DACH2: variants seen among roughly 807,000 people sequenced by gnomAD.
The protein encoded by DACH2 is dachshund homolog 2.
A neutral mutation model predicts 35.8 loss-of-function variants in DACH2; 17 were observed. The ratio of observed to expected loss-of-function variants is 0.48; its 90% CI spans 0.33 to 0.71. The LOEUF (loss-of-function observed/expected upper bound fraction) is 0.71, where lower values mean the gene tolerates loss of function less well. Ranked by LOEUF, DACH2 falls within the 30% of genes least tolerant of loss-of-function variation. The probability of loss-of-function intolerance (pLI) is 0.02; values close to 1 mark genes in which losing one functional copy is unlikely to be tolerated. For missense variants in DACH2, 469 were observed against 472.7 expected (o/e 0.99, Z 0.07); for synonymous variants, 195 against 177.3 (o/e 1.10, Z -0.79).
chrX:86,195,177 G>T (rs1009650989), intron 1 of DACH2, among the ~76,000 whole-genome samples: 13 of 112,399 alleles, frequency 1.2e-4, no homozygotes, highest in African/African-American at 3.6e-4. Flanking sequence ...AATAGTGTGT[G>T]CATGCACTCT....
At chrX:86,762,582 C>T (rs1394894048) in intron 7 of DACH2, among the ~76,000 whole-genome samples, 1 of 111,578 alleles carries the variant, frequency 9.0e-6, no homozygotes, top group Non-Finnish European at 1.9e-5. Flanking sequence ...GATTAGAGAT[C>T]CATCTGCATG....
At chrX:86,794,463 G>C (rs1262419726) in intron 7 of DACH2, among the ~76,000 whole-genome samples, 1 of 110,586 alleles carries the variant, frequency 9.0e-6, no homozygotes, top group Non-Finnish European at 1.9e-5. Context: ...CCTCGGTGCT[G>C]ATATGGGATA....
intron 7 of DACH2, among the ~76,000 whole-genome samples, chrX:86,771,655 C>T (rs943127881): frequency 8.9e-6 from 1 of 111,782 alleles, no homozygotes; most frequent in Non-Finnish European, 1.9e-5. Flanking sequence ...GAAAATGCAG[C>T]GTTCACAAAA....
chrX:86,425,224 G>GT (rs1197776362), intron 2 of DACH2, among the ~76,000 whole-genome samples: 1 of 110,171 alleles, frequency 9.1e-6, no homozygotes, highest in Non-Finnish European at 1.9e-5. Context: ...TTCTTCTCCT[G>GT]TTTTTTTGGA....
chrX:86,426,392 T>A (rs2036894193), intron 2 of DACH2, among the ~76,000 whole-genome samples: 1 of 111,318 alleles, frequency 9.0e-6, no homozygotes, highest in Non-Finnish European at 1.9e-5. Flanking sequence ...GAGACTTGAT[T>A]TGGCTGTGTC....
At chrX:86,577,053 A>G (rs1311853478) in intron 3 of DACH2, among the ~76,000 whole-genome samples, 1 of 112,294 alleles carries the variant, frequency 8.9e-6, no homozygotes, top group Admixed American at 9.5e-5. Flanking sequence ...ATTGCAACAC[A>G]AAATGAACTA....
At chrX:86,404,861 C>A (rs2036498592) in intron 2 of DACH2, among the ~76,000 whole-genome samples, 1 of 112,275 alleles carries the variant, frequency 8.9e-6, no homozygotes, top group African/African-American at 3.2e-5. Flanking sequence ...TTCCTTACAT[C>A]CTTGAAAATC....
chrX:86,616,042 C>A (rs1314262972), intron 3 of DACH2, among the ~76,000 whole-genome samples: 1 of 111,205 alleles, frequency 9.0e-6, no homozygotes, highest in African/African-American at 3.3e-5. Flanking sequence ...TCTGTTTCTA[C>A]ATTAGTTTGC....
At chrX:86,278,184 C>T (rs1046769914) in intron 1 of DACH2, among the ~76,000 whole-genome samples, 2 of 111,860 alleles carry the variant, frequency 1.8e-5, no homozygotes, top group African/African-American at 6.5e-5. Flanking sequence ...CTCAGCAAAT[C>T]GATGAGATGA....
At chrX:86,681,605 CTCTCTA>C (rs1420759442) in intron 4 of DACH2, among the ~76,000 whole-genome samples, 7 of 101,685 alleles carry the variant, frequency 6.9e-5, no homozygotes, top group Non-Finnish European at 1.4e-4. Context: ...CTCTCTCTCT[CTCTCTA>C]TATATATATA....
intron 2 of DACH2, 109 bp from the exon 3 acceptor site, chrX:86,514,170 A>G (rs1312012053): frequency 4.4e-6 from 3 of 681,749 alleles, no homozygotes; most frequent in Admixed American, 3.1e-5. Flanking sequence ...GTAAAATTCT[A>G]TCACTTTTGG....
intron 3 of DACH2, among the ~76,000 whole-genome samples, chrX:86,612,058 G>A (rs745423864): frequency 8.7e-4 from 93 of 107,011 alleles, no homozygotes; most frequent in South Asian, 3.0e-3. Flanking sequence ...GTTTTTTTTA[G>A]TCAACAGGTG....
intron 3 of DACH2, among the ~76,000 whole-genome samples, chrX:86,641,086 A>G (rs1452131366): frequency 1.8e-5 from 2 of 112,183 alleles, no homozygotes; most frequent in East Asian, 5.6e-4. Context: ...CTCCAACAAG[A>G]GTTCTTAACA....
intron 4 of DACH2, among the ~76,000 whole-genome samples, chrX:86,661,302 G>A (rs534862476): frequency 1.8e-5 from 2 of 112,057 alleles, no homozygotes; most frequent in African/African-American, 6.5e-5. Flanking sequence ...ACTCCATGAA[G>A]AAATCCTGTA....
At chrX:86,324,699 C>T (rs986492737) in intron 1 of DACH2, among the ~76,000 whole-genome samples, 1 of 90,171 alleles carries the variant, frequency 1.1e-5, no homozygotes, top group Non-Finnish European at 2.2e-5. Context: ...CTGCCTCAGC[C>T]TCCCAAGTAG....
intron 3 of DACH2, among the ~76,000 whole-genome samples, chrX:86,615,913 C>T (rs1388148047): frequency 9.1e-6 from 1 of 110,244 alleles, no homozygotes; most frequent in Non-Finnish European, 1.9e-5. Context: ...TTTTCTGATC[C>T]TCTCCCTCCT....
chrX:86,172,465 A>T (rs891701034), intron 1 of DACH2, among the ~76,000 whole-genome samples: 16 of 112,105 alleles, frequency 1.4e-4, no homozygotes, highest in Non-Finnish European at 3.0e-4. Context: ...ATCTGAGGTT[A>T]TTCTCACAAC....
At chrX:86,814,667 A>C (rs770008549) in intron 9 of DACH2, 21 bp from the exon 10 acceptor site, 7 of 1,206,441 alleles carry the variant, frequency 5.8e-6, no homozygotes, top group Non-Finnish European at 7.8e-6. Context: ...AAGTCTTTGC[A>C]AACTACCTTT....
chrX:86,616,280 A>C (rs1006949617), intron 3 of DACH2, among the ~76,000 whole-genome samples: 2 of 111,863 alleles, frequency 1.8e-5, no homozygotes, highest in African/African-American at 6.5e-5. Flanking sequence ...TCCTTTGGGC[A>C]TGTACCCAGT....
Sources: allele counts gnomAD v4.1 joint callset (sites outside exome capture counted in the v4.1 genomes callset), GRCh38; gene constraint gnomAD v4.1.1; transcripts MANE v1.5; gene names NCBI Gene and HGNC (gene_info 2026-07-23, HGNC 2026-07-21).